Variants in PTPRD observed in about 807,000 individuals in gnomAD.
PTPRD encodes the protein receptor-type tyrosine-protein phosphatase delta.
Under a neutral mutation model 214.5 loss-of-function variants are expected in PTPRD, and 34 were observed. The ratio of observed to expected loss-of-function variants is 0.16; its 90% CI spans 0.12 to 0.21. The LOEUF (loss-of-function observed/expected upper bound fraction) is 0.21. Ranked by LOEUF, PTPRD falls within the 10% of genes least tolerant of loss-of-function variation. PTPRD has a pLI of 1.00. For synonymous variants in PTPRD, 1,128 were observed against 845.7 expected (o/e 1.33, Z -5.79); for missense variants, 2,545 against 2,398.7 (o/e 1.06, Z -1.27).
chr9:9,989,793 G>A (rs2095850680), intron 4 of PTPRD, among the ~76,000 whole-genome samples: 1 of 152,214 alleles, frequency 6.6e-6, no homozygotes, highest in Non-Finnish European at 1.5e-5. Context: ...GCAATGCCTA[G>A]GCACTGCCAT....
intron 11 of PTPRD, among the ~76,000 whole-genome samples, chr9:8,790,255 A>C (rs943007523): frequency 1.3e-5 from 2 of 151,950 alleles, no homozygotes; most frequent in Non-Finnish European, 2.9e-5. Context: ...ACCTGAAGTG[A>C]TCCTTCTACC....
At chr9:9,909,821 C>T (rs1174329602) in intron 5 of PTPRD, among the ~76,000 whole-genome samples, 1 of 151,304 alleles carries the variant, frequency 6.6e-6, no homozygotes, top group Non-Finnish European at 1.5e-5. Flanking sequence ...AGACCTGATT[C>T]AACATCTGTT....
At chr9:9,558,227 T>G (rs1373554812) in intron 8 of PTPRD, among the ~76,000 whole-genome samples, 1 of 152,148 alleles carries the variant, frequency 6.6e-6, no homozygotes. Flanking sequence ...AGCAGGGCAG[T>G]TGTACCTTTT....
At chr9:8,589,131 A>G (rs186655966) in intron 14 of PTPRD, among the ~76,000 whole-genome samples, 87 of 152,332 alleles carry the variant, frequency 5.7e-4, no homozygotes, top group African/African-American at 2.0e-3. Flanking sequence ...CGCAAAGGAA[A>G]ATGTTGCAAA....
intron 5 of PTPRD, among the ~76,000 whole-genome samples, chr9:9,929,437 A>G (rs534494472): frequency 6.6e-6 from 1 of 152,306 alleles, no homozygotes; most frequent in South Asian, 2.1e-4. Context: ...CTCTGTCACC[A>G]GGCTGAAGTG....
intron 6 of PTPRD, among the ~76,000 whole-genome samples, chr9:9,756,678 C>T (rs1296314083): frequency 6.6e-6 from 1 of 152,076 alleles, no homozygotes; most frequent in East Asian, 1.9e-4. Context: ...TGTGAATGTA[C>T]TAACTGCCAC....
intron 4 of PTPRD, among the ~76,000 whole-genome samples, chr9:9,956,249 G>A (rs940333049): frequency 1.3e-5 from 2 of 149,834 alleles, no homozygotes; most frequent in Non-Finnish European, 3.0e-5. Flanking sequence ...ATTAAGGTGA[G>A]GTTTACCTCA....
intron 12 of PTPRD, among the ~76,000 whole-genome samples, chr9:8,711,637 T>C (rs2098334296): frequency 6.6e-6 from 1 of 152,212 alleles, no homozygotes; most frequent in Non-Finnish European, 1.5e-5. Context: ...GGAGCTTTTA[T>C]GAAATCTATT....
intron 8 of PTPRD, 48 bp downstream of exon 8, chr9:9,574,684 C>T (rs1350388781): frequency 4.6e-5 from 7 of 151,838 alleles, no homozygotes; most frequent in East Asian, 1.9e-4. Context: ...GATCAAAAAG[C>T]GGTAATGAAA....
rs367665926 is a variant in PTPRD at position 8,317,134 on chromosome 9, C to A, written c.*740G>T. On this transcript the variant is annotated 3_prime_UTR_variant, in exon 46 of 46. Coordinates refer to ENST00000381196, the MANE Select transcript of PTPRD (RefSeq NM_002839.4). Reference sequence around the variant, plus strand: ...ATTAATATATCTGACGAGACTGATACTGTAGATTGAGTTTTGCACAAAAAT... The same window carrying A: ...ATTAATATATCTGACGAGACTGATAATGTAGATTGAGTTTTGCACAAAAAT... 8.6e-6 allele frequency: 2 copies of A among 231,682 alleles called. No individual in the cohort carries two copies. The highest frequency in any genetic ancestry group is 1.7e-5 in the Non-Finnish European group (2 of 116,956). 14.4% of individuals were successfully genotyped at this position (231,682 alleles called of 1,614,324 possible).
chr9:9,187,807 TTGTG>T (rs1204900236), intron 9 of PTPRD, among the ~76,000 whole-genome samples: 1 of 151,950 alleles, frequency 6.6e-6, no homozygotes, highest in Non-Finnish European at 1.5e-5. Context: ...TTGTGTTATG[TTGTG>T]TGTGTGTTTG....
chr9:9,705,406 A>T (rs1595672199), intron 7 of PTPRD, among the ~76,000 whole-genome samples: 1 of 152,160 alleles, frequency 6.6e-6, no homozygotes, highest in Non-Finnish European at 1.5e-5. Flanking sequence ...TGAAATCAAA[A>T]ATTCAATTTT....
intron 10 of PTPRD, among the ~76,000 whole-genome samples, chr9:9,119,693 T>G (rs867082009): frequency 6.6e-6 from 1 of 151,996 alleles, no homozygotes; most frequent in Non-Finnish European, 1.5e-5. Flanking sequence ...CTGGCTGATT[T>G]TTTGTATTTT....
chr9:8,519,214 A>G (rs2097845369), intron 20 of PTPRD, among the ~76,000 whole-genome samples: 1 of 152,186 alleles, frequency 6.6e-6, no homozygotes. Context: ...TGTTATGGTC[A>G]TATTAATATG....
At chr9:9,675,505 C>A (rs2096911981) in intron 7 of PTPRD, among the ~76,000 whole-genome samples, 2 of 151,548 alleles carry the variant, frequency 1.3e-5, no homozygotes, top group Admixed American at 6.6e-5. Flanking sequence ...ATAAAAAGGT[C>A]AGATTTTAAA....
At chr9:9,893,562 T>C (rs1369689457) in intron 5 of PTPRD, among the ~76,000 whole-genome samples, 1 of 152,178 alleles carries the variant, frequency 6.6e-6, no homozygotes, top group Non-Finnish European at 1.5e-5. Context: ...ATTCATGTAA[T>C]GGTTAATAGT....
intron 9 of PTPRD, among the ~76,000 whole-genome samples, chr9:9,198,865 G>C (rs2099940212): frequency 6.6e-6 from 1 of 152,038 alleles, no homozygotes; most frequent in African/African-American, 2.4e-5. Flanking sequence ...TTCTTAATTG[G>C]CTCCTACATG....
chr9:9,425,234 G>C (rs1213404398), intron 8 of PTPRD, among the ~76,000 whole-genome samples: 1 of 151,920 alleles, frequency 6.6e-6, no homozygotes, highest in Admixed American at 6.6e-5. Context: ...CATGGCAGCT[G>C]TCATCAGGAG....
intron 7 of PTPRD, among the ~76,000 whole-genome samples, chr9:9,662,595 G>A (rs540707973): frequency 6.6e-6 from 1 of 151,644 alleles, no homozygotes; most frequent in South Asian, 2.1e-4. Context: ...AACATGAAAA[G>A]GCTAAGAAAA....
Sources: allele counts gnomAD v4.1 joint callset (sites outside exome capture counted in the v4.1 genomes callset), GRCh38; gene constraint gnomAD v4.1.1; transcripts MANE v1.5; gene names NCBI Gene and HGNC (gene_info 2026-07-23, HGNC 2026-07-21).